Variants in CLEC4M observed in about 807,000 individuals in gnomAD.
CLEC4M encodes the protein CD209 antigen-like protein 1.
Under a neutral mutation model 39.1 loss-of-function variants are expected in CLEC4M, and 25 were observed. That is an observed-to-expected ratio of 0.64 (90% CI 0.47 to 0.89). The LOEUF (loss-of-function observed/expected upper bound fraction) is 0.89, where lower values mean the gene tolerates loss of function less well. Among genes scored for constraint, CLEC4M ranks in the 40% least tolerant of loss-of-function variants. The pLI, the probability that CLEC4M is intolerant of heterozygous loss-of-function variation, is 0.00. For synonymous variants in CLEC4M, 155 were observed against 177.4 expected (o/e 0.87, Z 1.00); for missense variants, 353 against 431.4 (o/e 0.82, Z 1.61).
intron 2 of CLEC4M, among the ~76,000 whole-genome samples, chr19:7,763,706 G>A (rs950636997): frequency 3.3e-5 from 5 of 151,186 alleles, no homozygotes; most frequent in African/African-American, 1.2e-4. Context: ...GAGGGGTTCT[G>A]GACTCCTGGG....
chr19:7,768,955 C>A lies in CLEC4M; in HGVS notation c.1167C>A (p.Cys389Ter), dbSNP rs774688684. 6.2e-7 allele frequency: 1 copy of A among 1,614,102 alleles called. No homozygotes were observed. Among genetic ancestry groups the A allele is most frequent in the Admixed American group, 1.7e-5 (1 of 60,020 alleles). Residue 389 changes from cysteine to a stop codon, truncating the protein, a stop_gained, in exon 7 of 7, where the codon TGC (cysteine) becomes TGA (stop). Transcript: ENST00000327325. LOFTEE classifies it low-confidence loss of function (END_TRUNC). The part of the protein sequence containing the change: ...NRCDVDNYWI[C>*]KKPAACFRDE ...GTGACGTTGACAATTACTGGATCTG[C>A]AAAAAGCCCGCAGCCTGCTTCAGAG... is the stretch of plus-strand genomic sequence containing the variant.
rs369029713 is a variant in CLEC4M at position 7,769,015 on chromosome 19, A to G, written c.*27A>G. 6.2e-7 allele frequency: 1 copy of G among 1,609,920 alleles called. No individual in the cohort carries two copies. The highest frequency in any genetic ancestry group is 8.5e-7 in the Non-Finnish European group (1 of 1,177,398). On this transcript the variant is annotated 3_prime_UTR_variant, in exon 7 of 7. Coordinates refer to ENST00000327325, the MANE Select transcript of CLEC4M (RefSeq NM_014257.5). Reference sequence around the variant, plus strand: ...TGTTTCCCTGCTAGCCTCAGCCTCCATTGTGGTATAGCAGAACTTCACCCA... The same window carrying G: ...TGTTTCCCTGCTAGCCTCAGCCTCCGTTGTGGTATAGCAGAACTTCACCCA...
At chr19:7,767,010 C>A (rs559639523) in intron 5 of CLEC4M, 3 of 916,756 alleles carry the variant, frequency 3.3e-6, no homozygotes, top group South Asian at 1.8e-5. Context: ...TTGGGGGAAA[C>A]GTCAAATGTA....
At chr19:7,767,002 G>A in intron 5 of CLEC4M, 195 bp downstream of exon 5, 1 of 971,752 alleles carries the variant, frequency 1.0e-6, no homozygotes, top group Admixed American at 2.9e-5. Context: ...GTGAATATTT[G>A]GGGGAAACGT....
Position 7,766,132 on chromosome 19 carries a change from G to C in CLEC4M, c.709G>C (p.Ala237Pro), listed in dbSNP as rs552250339. 3.7e-6 allele frequency: 6 copies of C among 1,613,976 alleles called. No individual in the cohort carries two copies. In the South Asian group the frequency reaches 6.6e-5, roughly 18 times the overall value. Residue 237 changes from alanine (A) to proline (P), a missense_variant, in exon 4 of 7, where the codon GCA becomes CCA. Physicochemically the swap from Ala to Pro is conservative, Grantham distance 27. Transcript: ENST00000327325. ...CCAGGAGCTGACCCAGCTGAAGGCT[G>C]CAGTGGGTGAGTTGCCAGACCAGTC... ...IYQELTQLKA[A>P]VGELPDQSKQ...
intron 2 of CLEC4M, among the ~76,000 whole-genome samples, chr19:7,763,705 T>C (rs920513823): frequency 2.0e-5 from 3 of 149,340 alleles, no homozygotes; most frequent in African/African-American, 7.4e-5. Context: ...AGAGGGGTTC[T>C]GGACTCCTGG....
At chr19:7,765,384 C>G in intron 3 of CLEC4M, 116 bp downstream of exon 3, 1 of 1,271,316 alleles carries the variant, frequency 7.9e-7, no homozygotes, top group Non-Finnish European at 1.1e-6. Flanking sequence ...GATGTTGTCC[C>G]TGGGGGTCTG....
At chr19:7,768,746 G>T in intron 6 of CLEC4M, 92 bp from the exon 7 acceptor site, 17 of 1,444,242 alleles carry the variant, frequency 1.2e-5, no homozygotes, top group Non-Finnish European at 1.6e-5. Flanking sequence ...ACACATGTAG[G>T]GCAGATGTTA....
chr19:7,766,950 C>G, intron 5 of CLEC4M, 143 bp downstream of exon 5: 1 of 1,412,392 alleles, frequency 7.1e-7, no homozygotes, highest in Non-Finnish European at 9.5e-7. Context: ...TGAAGGGGTC[C>G]CAGGTACCCT....
Position 7,767,638 on chromosome 19 carries a change from G to T in CLEC4M, c.1049+10G>T. 6.2e-7 allele frequency: 1 copy of T among 1,608,062 alleles called. No individual in the cohort carries two copies. The highest frequency in any genetic ancestry group is 1.3e-5 in the African/African-American group (1 of 74,880). On this transcript the variant is annotated intron_variant, in intron 6 of 6. Coordinates refer to ENST00000327325, the MANE Select transcript of CLEC4M (RefSeq NM_014257.5). ...CACCTCTGTCACCCAGGTAGATTCT[G>T]GGAGAAAGGGACACTGTATCCAGTC...
At chr19:7,766,920 T>C (rs1049862209) in intron 5 of CLEC4M, 113 bp downstream of exon 5, 151 of 1,550,818 alleles carry the variant, frequency 9.7e-5, no homozygotes, top group South Asian at 1.2e-4. Context: ...TTTGGAAAGA[T>C]GGGAAGAGAA....
At position 7,769,284 on chromosome 19, in the gene CLEC4M, G is replaced by A; in HGVS notation, c.*296G>A. ...ATGAATCCACTCTCTGTTCCTTTTG[G>A]AGATTAGACTATTTGGATTCATGTG... On this transcript the variant is annotated 3_prime_UTR_variant, in exon 7 of 7. Transcript: ENST00000327325. 1 of 272,528 alleles carries A rather than the reference G, an allele frequency of 3.7e-6. No homozygotes were observed. Among genetic ancestry groups the A allele is most frequent in the Non-Finnish European group, 7.2e-6 (1 of 138,774 alleles). The allele number at this position is 272,528 out of a possible 1,614,324, so 16.9% of individuals were successfully genotyped here.
At position 7,763,305 on chromosome 19, in the gene CLEC4M, C is replaced by A. The variant is rs775900150; in HGVS notation, c.39C>A (p.Gly13=). Residue 13 remains glycine (G), a synonymous_variant, in exon 1 of 7, where the codon GGC becomes GGA. Coordinates refer to ENST00000327325, the MANE Select transcript of CLEC4M (RefSeq NM_014257.5). ...AGGAACCAAGGGTGCAGCAGCTGGG[C>A]CTCCTGGGTAAGGCTGGGTTGGAAC... ...DSKEPRVQQL[G]LLEEDPTTSG... is the part of the protein sequence containing the mutation. The A allele has an allele frequency of 6.2e-7, 1 of 1,609,596 alleles. No homozygotes were observed. The highest frequency in any genetic ancestry group is 1.1e-5 in the South Asian group (1 of 90,260).
chr19:7,766,544 C>T, intron 4 of CLEC4M, 112 bp from the exon 5 acceptor site: 1 of 1,565,188 alleles, frequency 6.4e-7, no homozygotes, highest in Non-Finnish European at 8.7e-7. Flanking sequence ...GCGGTCCACC[C>T]AACATGGACA....
At position 7,766,168 on chromosome 19, in the gene CLEC4M, C is replaced by T. The variant is rs1313588710; in HGVS notation, c.745C>T (p.Gln249Ter). The T allele has an allele frequency of 7.4e-6, 12 of 1,614,132 alleles. No homozygotes were observed. Among genetic ancestry groups the T allele is most frequent in the Non-Finnish European group, 1.0e-5 (12 of 1,180,004 alleles). The change falls in exon 4 of 7, where the codon CAA (glutamine) becomes TAA (stop). Residue 249 changes from glutamine (Q) to a stop codon, truncating the protein, a stop_gained. Coordinates refer to ENST00000327325, the MANE Select transcript of CLEC4M (RefSeq NM_014257.5). LOFTEE classifies it high-confidence loss of function. ...GTTGCCAGACCAGTCCAAGCAGCAG[C>T]AAATCTATCAAGAACTGACCGATTT... ...GELPDQSKQQ[Q>*]IYQELTDLKT... is the part of the protein sequence containing the mutation.
At position 7,765,620 on chromosome 19, in the gene CLEC4M, C is replaced by A. The variant is rs764089786; in HGVS notation, c.215-18C>A. The A allele has an allele frequency of 8.1e-6, 13 of 1,613,738 alleles. No individual in the cohort carries two copies. In the East Asian group the frequency reaches 2.9e-4, roughly 36 times the overall value. The stretch of plus-strand genomic sequence containing the variant: ...AGTAGGTGTTTAATAATTGCAGTTC[C>A]TTTTCTTCTTGGCCCAGTGTCCAAG... On this transcript the variant is annotated intron_variant, in intron 3 of 6. Transcript: ENST00000327325.
intron 2 of CLEC4M, among the ~76,000 whole-genome samples, chr19:7,764,246 T>C (rs775890667): frequency 2.6e-5 from 4 of 152,054 alleles, no homozygotes; most frequent in Non-Finnish European, 5.9e-5. Context: ...GGAAGCATAT[T>C]ACAGAAGCGA....
At position 7,766,101 on chromosome 19, in the gene CLEC4M, G is replaced by A. The variant is rs147316344; in HGVS notation, c.678G>A (p.Glu226=). The change falls in exon 4 of 7, where the codon GAG becomes GAA. Residue 226 remains glutamate, a synonymous_variant. Transcript: ENST00000327325. Reference sequence around the variant, plus strand: ...TGCCAGAGAAATCCAAGCTGCAGGAGATCTACCAGGAGCTGACCCAGCTGA... The same window carrying A: ...TGCCAGAGAAATCCAAGCTGCAGGAAATCTACCAGGAGCTGACCCAGCTGA... ...GELPEKSKLQ[E]IYQELTQLKA... 4 of 1,612,354 alleles carry A rather than the reference G, an allele frequency of 2.5e-6. No individual in the cohort carries two copies. In the East Asian group the frequency reaches 8.9e-5, roughly 36 times the overall value.
In CLEC4M at chr19:7,765,233, T is replaced by A; in HGVS notation, c.179T>A (p.Leu60His). Residue 60 changes from leucine (L) to histidine (H), a missense_variant, in exon 3 of 7, where the codon CTC becomes CAC. Physicochemically the swap from Leu to His is moderately conservative, Grantham distance 99 (BLOSUM62 -3). Transcript: ENST00000327325. ...GTGCTGCAACTCCTCTCCTTCATGC[T>A]CTTGGCTGGGGTCCTGGTGGCCATC... Reference protein sequence around the residue: ...ALVLQLLSFMLLAGVLVAILV... With the variant: ...ALVLQLLSFMHLAGVLVAILV... 6.2e-7 allele frequency: 1 copy of A among 1,614,150 alleles called. No individual in the cohort carries two copies. The highest frequency in any genetic ancestry group is 8.5e-7 in the Non-Finnish European group (1 of 1,180,008).
Sources: gnomAD v4.1 joint callset for allele counts (sites outside exome capture counted in the v4.1 genomes callset) on GRCh38, gnomAD v4.1.1 for gene constraint, MANE v1.5 for transcripts, NCBI Gene and HGNC (gene_info 2026-07-23, HGNC 2026-07-21) for gene names.